Variants in PMS2 observed in about 807,000 individuals in gnomAD.
The protein encoded by PMS2 is PMS1 homolog 2, mismatch repair system component.
A neutral mutation model predicts 90.0 loss-of-function variants in PMS2; 69 were observed. The observed-to-expected ratio is 0.77, with a 90% CI of 0.63 to 0.94. The LOEUF is 0.94. Among genes scored for constraint, PMS2 ranks in the 40% least tolerant of loss-of-function variants. The probability of loss-of-function intolerance (pLI) is 0.00; values close to 1 mark genes in which losing one functional copy is unlikely to be tolerated. For missense variants in PMS2, 966 were observed against 1,040.2 expected, an observed-to-expected ratio of 0.93 and a Z score of 0.98; for synonymous variants, 332 against 375.1, an observed-to-expected ratio of 0.89 and a Z score of 1.33.
At chr7:5,981,042 G>T (rs1004276999) in intron 12 of PMS2, among the ~76,000 whole-genome samples, 13 of 151,610 alleles carry the variant, frequency 8.6e-5, no homozygotes, top group South Asian at 4.2e-4. Flanking sequence ...TTCACTACGT[G>T]GTTTAATTTC....
chr7:5,987,383 G>A lies in PMS2; in HGVS notation c.1382C>T (p.Ala461Val), dbSNP rs1060503133. The A allele has an allele frequency of 1.2e-6, 2 of 1,614,160 alleles. No homozygotes were observed. Among genetic ancestry groups the A allele is most frequent in the East Asian group, 4.5e-5 (2 of 44,884 alleles). ...RGMLSSSTSG[A>V]ISDKGVLRPQ... The stretch of plus-strand genomic sequence containing the variant: ...TCTCAGGACGCCTTTGTCAGAGATG[G>A]CACCTGAAGTGCTAGAAGACAGCAT... The change falls in exon 11 of 15, where the codon GCC (alanine) becomes GTC (valine). Residue 461 changes from alanine (A) to valine (V), a missense_variant. By Grantham distance (64) the Ala-to-Val change is moderately conservative. Coordinates refer to ENST00000265849, the MANE Select transcript of PMS2 (RefSeq NM_000535.7).
chr7:5,989,593 G>C (rs1783484292), intron 10 of PMS2, among the ~76,000 whole-genome samples: 1 of 151,860 alleles, frequency 6.6e-6, no homozygotes, highest in Admixed American at 6.6e-5. Context: ...CCTGAGCCCA[G>C]GAGTGTGATG....
At chr7:6,001,621 A>G (rs1378463373) in intron 5 of PMS2, among the ~76,000 whole-genome samples, 1 of 152,052 alleles carries the variant, frequency 6.6e-6, no homozygotes, top group South Asian at 2.1e-4. Flanking sequence ...CACCCGCCTC[A>G]GCCTCCCAAA....
intron 1 of PMS2, among the ~76,000 whole-genome samples, chr7:6,007,118 ATTATTG>A (rs1350258654): frequency 6.7e-6 from 1 of 149,248 alleles, no homozygotes; most frequent in Non-Finnish European, 1.5e-5. Flanking sequence ...TATTATTGTT[ATTATTG>A]TTATTATTTG....
chr7:5,983,631 G>A (rs1462393037), intron 11 of PMS2, among the ~76,000 whole-genome samples: 1 of 151,326 alleles, frequency 6.6e-6, no homozygotes, highest in Non-Finnish European at 1.5e-5. Flanking sequence ...TGTACACATA[G>A]ATCTACTTCA....
chr7:6,005,936 T>C lies in PMS2; in HGVS notation c.119A>G (p.Lys40Arg). Residue 40 changes from lysine to arginine, a missense_variant, in exon 2 of 15, where the codon AAG becomes AGG. Transcript: ENST00000265849. ...ATCCAGACTGTTTTCTACTAACTCCTTTACCGCAGTGCTTAGACTCAGTAC... is the reference window on the plus strand; with the variant it reads ...ATCCAGACTGTTTTCTACTAACTCCCTTACCGCAGTGCTTAGACTCAGTAC... ...QVVLSLSTAV[K>R]ELVENSLDAG... is the part of the protein sequence containing the mutation. The C allele has an allele frequency of 1.2e-6, 2 of 1,610,860 alleles. No homozygotes were observed. Among genetic ancestry groups the C allele is most frequent in the Non-Finnish European group, 1.7e-6 (2 of 1,179,842 alleles).
rs1554301106 is a variant in PMS2 at position 5,996,590 on chromosome 7, A to AATAT, written c.803+732_803+735dup. On this transcript the variant is annotated intron_variant, in intron 7 of 14. Coordinates refer to ENST00000265849, the MANE Select transcript of PMS2 (RefSeq NM_000535.7). ...CCATCTCAAAGCTAAAAAAAAAAAA[A>AATAT]ATATATATATATATATATATATACA... Among the ~76,000 whole-genome samples, 152 of 110,126 alleles carry AATAT rather than the reference A, an allele frequency of 1.4e-3. 2 individuals carry two copies. The highest frequency in any genetic ancestry group is 9.3e-3 in the Middle Eastern group (2 of 216). The allele number at this position is 110,126 out of a possible 152,430, so 72.2% of individuals were successfully genotyped here. A position where few individuals can be genotyped will look rare whatever the true frequency, so the allele number is the denominator to read the frequency against.
chr7:6,008,992 C>T lies in PMS2; in HGVS notation c.23+5G>A. ...GGACACCGGAAGACTGCGAGCCCCGCTCACCTCGAGCTCTCAGCTCGCTCC... is the reference window on the plus strand; with the variant it reads ...GGACACCGGAAGACTGCGAGCCCCGTTCACCTCGAGCTCTCAGCTCGCTCC... On this transcript the variant is annotated splice_donor_5th_base_variant and intron_variant, in intron 1 of 14. Coordinates refer to ENST00000265849, the MANE Select transcript of PMS2 (RefSeq NM_000535.7). 1 of 1,612,700 alleles carries T rather than the reference C, an allele frequency of 6.2e-7. No homozygotes were observed. Among genetic ancestry groups the T allele is most frequent in the East Asian group, 2.2e-5 (1 of 44,878 alleles).
At chr7:6,008,712 T>C (rs1367029386) in intron 1 of PMS2, among the ~76,000 whole-genome samples, 3 of 151,986 alleles carry the variant, frequency 2.0e-5, no homozygotes, top group African/African-American at 4.8e-5. Context: ...GGCCCTGTGA[T>C]GGGATGTGGG....
chr7:5,979,004 G>A (rs1378536134), intron 12 of PMS2, among the ~76,000 whole-genome samples: 1 of 148,414 alleles, frequency 6.7e-6, no homozygotes, highest in East Asian at 2.0e-4. Context: ...AGACCGGCCT[G>A]GTCAACACAG....
intron 5 of PMS2, among the ~76,000 whole-genome samples, chr7:6,000,434 T>C (rs946506473): frequency 6.6e-6 from 1 of 151,818 alleles, no homozygotes; most frequent in African/African-American, 2.4e-5. Flanking sequence ...CTGTATTACT[T>C]GCATGTTGTA....
chr7:6,008,635 A>T (rs1359392474), intron 1 of PMS2, among the ~76,000 whole-genome samples: 2 of 152,156 alleles, frequency 1.3e-5, no homozygotes, highest in Non-Finnish European at 2.9e-5. Flanking sequence ...ATAAAAGGGG[A>T]GAGAGAACAG....
At chr7:5,989,115 A>G (rs1222461644) in intron 10 of PMS2, among the ~76,000 whole-genome samples, 7 of 152,100 alleles carry the variant, frequency 4.6e-5, no homozygotes, top group East Asian at 3.9e-4. Flanking sequence ...CTCCCAAAGT[A>G]CTGGGATTAC....
chr7:6,007,486 GTC>G (rs1785938409), intron 1 of PMS2, among the ~76,000 whole-genome samples: 2 of 152,142 alleles, frequency 1.3e-5, no homozygotes, highest in South Asian at 4.1e-4. Flanking sequence ...GTATAAGCAG[GTC>G]TCTGTCTAAA....
chr7:5,990,334 C>A (rs1467113376), intron 9 of PMS2, among the ~76,000 whole-genome samples: 1 of 152,140 alleles, frequency 6.6e-6, no homozygotes, highest in Non-Finnish European at 1.5e-5. Flanking sequence ...ATAGAAATTT[C>A]CCCATCTATT....
In PMS2 at chr7:5,989,858, C is replaced by T. The variant is rs1783524610; in HGVS notation, c.1086G>A (p.Met362Ile). 2 of 1,612,830 alleles carry T rather than the reference C, an allele frequency of 1.2e-6. No individual in the cohort carries two copies. Among genetic ancestry groups the T allele is most frequent in the Non-Finnish European group, 1.7e-6 (2 of 1,179,114 alleles). Residue 362 changes from methionine to isoleucine, a missense_variant, in exon 10 of 15, where the codon ATG (methionine) becomes ATA (isoleucine). Transcript: ENST00000265849. ...TTAGCTTGTTGACATCACTATCAAA[C>T]ATTCCTATCAAAGAGGTCTTTAAAA... Reference protein sequence around the residue: ...LAVLKTSLIGMFDSDVNKLNV... With the variant: ...LAVLKTSLIGIFDSDVNKLNV...
At chr7:6,003,892 T>C in intron 3 of PMS2, 80 bp downstream of exon 3, 3 of 1,273,106 alleles carry the variant, frequency 2.4e-6, no homozygotes, top group Non-Finnish European at 2.3e-6. Context: ...TGTTTTTGCA[T>C]TTCCCAAGAC....
rs764565924 is a variant in PMS2 at position 6,005,894 on chromosome 7, A to G, written c.161T>C (p.Ile54Thr). 18 of 1,610,778 alleles carry G rather than the reference A, an allele frequency of 1.1e-5. No homozygotes were observed. The highest frequency in any genetic ancestry group is 1.7e-5 in the Admixed American group (1 of 60,004). The change falls in exon 2 of 15, where the codon ATT becomes ACT. Residue 54 changes from isoleucine (I) to threonine (T), a missense_variant and splice_region_variant. Transcript: ENST00000265849. ...ENSLDAGATNIDLKLKDYGVD... is the reference protein window; with the variant it reads ...ENSLDAGATNTDLKLKDYGVD... ...GCTTAAAACTCTCCCAAACTTACCA[A>G]TATTAGTGGCACCAGCATCCAGACT...
intron 4 of PMS2, 21 bp from the exon 5 acceptor site, chr7:6,002,657 T>C: frequency 6.2e-7 from 1 of 1,601,438 alleles, no homozygotes; most frequent in Non-Finnish European, 8.5e-7. Flanking sequence ...ATACCAGGCA[T>C]GGTGTGTTCA....
Sources: allele counts gnomAD v4.1 joint callset (sites outside exome capture counted in the v4.1 genomes callset), GRCh38; gene constraint gnomAD v4.1.1; transcripts MANE v1.5; gene names NCBI Gene and HGNC (gene_info 2026-07-23, HGNC 2026-07-21).